Variants in TENM4 observed in about 807,000 individuals in gnomAD.
TENM4 encodes the protein teneurin transmembrane protein 4.
Under a neutral mutation model 243.3 loss-of-function variants are expected in TENM4, and 82 were observed. The ratio of observed to expected loss-of-function variants is 0.34; its 90% CI spans 0.28 to 0.40. The LOEUF (loss-of-function observed/expected upper bound fraction) is 0.40. Among genes scored for constraint, TENM4 ranks in the 10% least tolerant of loss-of-function variants. The probability of loss-of-function intolerance (pLI) is 1.00; values close to 1 mark genes in which losing one functional copy is unlikely to be tolerated. For missense variants in TENM4, 3,138 were observed against 3,673.3 expected (o/e 0.85, Z 3.77); for synonymous variants, 1,412 against 1,456.3 (o/e 0.97, Z 0.69).
intron 32 of TENM4, among the ~76,000 whole-genome samples, chr11:78,668,008 T>C (rs1858200144): frequency 6.6e-6 from 1 of 152,196 alleles, no homozygotes; most frequent in Admixed American, 6.5e-5. Flanking sequence ...TGGGACACTT[T>C]ATACTCAAGT....
chr11:78,712,784 T>C, intron 25 of TENM4, 70 bp from the exon 26 acceptor site: 1 of 1,421,272 alleles, frequency 7.0e-7, no homozygotes, highest in African/African-American at 1.4e-5. Context: ...GATGTACAGA[T>C]GAACCCCTGG....
chr11:78,934,328 A>G (rs1041378363), intron 6 of TENM4, among the ~76,000 whole-genome samples: 3 of 152,216 alleles, frequency 2.0e-5, no homozygotes, highest in African/African-American at 7.2e-5. Context: ...AAAGGCACAA[A>G]CACAAACCCT....
At chr11:78,866,302 TATCTC>T (rs1591082898) in intron 9 of TENM4, among the ~76,000 whole-genome samples, 1 of 152,172 alleles carries the variant, frequency 6.6e-6, no homozygotes, top group African/African-American at 2.4e-5. Context: ...TAGAATCAAT[TATCTC>T]ATCTAAGTGT....
chr11:78,945,534 T>C (rs1856988401), intron 6 of TENM4, among the ~76,000 whole-genome samples: 1 of 152,124 alleles, frequency 6.6e-6, no homozygotes. Flanking sequence ...AACCCTACAA[T>C]GGCCAAGTGA....
chr11:78,959,200 C>G (rs1591163219), intron 6 of TENM4, among the ~76,000 whole-genome samples: 1 of 152,084 alleles, frequency 6.6e-6, no homozygotes, highest in East Asian at 1.9e-4. Flanking sequence ...ATGCACCAAA[C>G]TGTTAAACGT....
chr11:79,299,851 T>C (rs1045400570), intron 1 of TENM4, among the ~76,000 whole-genome samples: 3 of 152,240 alleles, frequency 2.0e-5, no homozygotes, highest in African/African-American at 7.2e-5. Flanking sequence ...TGGTTTTAAA[T>C]TAATTGGCAT....
intron 4 of TENM4, among the ~76,000 whole-genome samples, chr11:79,132,361 A>AAAAG (rs1353670850): frequency 6.7e-6 from 1 of 149,992 alleles, no homozygotes; most frequent in Non-Finnish European, 1.5e-5. Context: ...AAAAAAAAAA[A>AAAAG]AGAGAAATGA....
At chr11:79,231,250 G>A (rs1254813760) in intron 2 of TENM4, among the ~76,000 whole-genome samples, 4 of 152,154 alleles carry the variant, frequency 2.6e-5, no homozygotes, top group Non-Finnish European at 5.9e-5. Flanking sequence ...CAAATAAATT[G>A]CAAACAGACA....
At chr11:78,910,726 C>A (rs148137240) in intron 6 of TENM4, among the ~76,000 whole-genome samples, 3 of 152,346 alleles carry the variant, frequency 2.0e-5, no homozygotes, top group African/African-American at 7.2e-5. Flanking sequence ...CACAATGTAA[C>A]CACCAGTCTG....
At chr11:79,374,508 T>A (rs1565320187) in intron 1 of TENM4, among the ~76,000 whole-genome samples, 2 of 151,888 alleles carry the variant, frequency 1.3e-5, no homozygotes, top group Non-Finnish European at 2.9e-5. Flanking sequence ...TGTCAGATAT[T>A]AATTTCACCT....
At chr11:78,953,011 T>C (rs575544110) in intron 6 of TENM4, among the ~76,000 whole-genome samples, 10 of 152,154 alleles carry the variant, frequency 6.6e-5, no homozygotes, top group Non-Finnish European at 1.3e-4. Flanking sequence ...GAGTTATTTA[T>C]AGAAATAGGA....
At chr11:78,973,428 T>A (rs1242700669) in intron 6 of TENM4, among the ~76,000 whole-genome samples, 1 of 152,242 alleles carries the variant, frequency 6.6e-6, no homozygotes. Context: ...TAATGGCAAA[T>A]GATGCTTGGC....
intron 12 of TENM4, among the ~76,000 whole-genome samples, chr11:78,839,595 G>T (rs559806884): frequency 6.6e-6 from 1 of 151,862 alleles, no homozygotes; most frequent in East Asian, 1.9e-4. Flanking sequence ...AAATAACGAT[G>T]ACTTTTTCTC....
intron 2 of TENM4, among the ~76,000 whole-genome samples, chr11:79,250,076 C>G (rs2135301594): frequency 6.6e-6 from 1 of 152,296 alleles, no homozygotes; most frequent in South Asian, 2.1e-4. Context: ...ACCTCTGTCT[C>G]CCCTGTTCAA....
intron 3 of TENM4, among the ~76,000 whole-genome samples, chr11:79,181,725 C>T (rs7102421): frequency 0.036 from 5,496 of 151,360 alleles, 337 homozygotes; most frequent in African/African-American, 0.13. Flanking sequence ...AAAGAAAGTC[C>T]TGGAACTAAT....
intron 1 of TENM4, among the ~76,000 whole-genome samples, chr11:79,359,645 A>C (rs1030572864): frequency 6.6e-6 from 1 of 152,180 alleles, no homozygotes; most frequent in African/African-American, 2.4e-5. Flanking sequence ...GGAAGTGCTG[A>C]GGTCGAAGGG....
At chr11:79,110,740 G>T (rs1004756396) in intron 4 of TENM4, among the ~76,000 whole-genome samples, 1 of 152,180 alleles carries the variant, frequency 6.6e-6, no homozygotes, top group Admixed American at 6.5e-5. Flanking sequence ...AGGATGGATG[G>T]CATGGGTCTG....
intron 6 of TENM4, among the ~76,000 whole-genome samples, chr11:79,012,950 T>C (rs1287266412): frequency 1.3e-5 from 2 of 152,174 alleles, no homozygotes; most frequent in Non-Finnish European, 2.9e-5. Flanking sequence ...CTCCAGGGGA[T>C]GGAAGACCAA....
At chr11:79,135,305 A>G (rs1416796449) in intron 4 of TENM4, among the ~76,000 whole-genome samples, 2 of 151,850 alleles carry the variant, frequency 1.3e-5, no homozygotes, top group Non-Finnish European at 2.9e-5. Flanking sequence ...ATACCACCTT[A>G]CTCCTGCAAG....
Sources: gnomAD v4.1 joint callset for allele counts (sites outside exome capture counted in the v4.1 genomes callset) on GRCh38, gnomAD v4.1.1 for gene constraint, MANE v1.5 for transcripts, NCBI Gene and HGNC (gene_info 2026-07-23, HGNC 2026-07-21) for gene names.